NELL2: variants seen among roughly 807,000 people sequenced by gnomAD.
NELL2 encodes neural EGFL like 2.
In NELL2, 41 loss-of-function variants were observed where a neutral mutation model predicts 109.6. That is an observed-to-expected ratio of 0.37 (90% CI 0.29 to 0.49). NELL2 has a LOEUF of 0.49. NELL2 is among the 20% of genes least tolerant of loss of function. The probability of loss-of-function intolerance (pLI) is 0.98; values close to 1 mark genes in which losing one functional copy is unlikely to be tolerated. For missense variants in NELL2, 900 were observed against 1,008.3 expected, an observed-to-expected ratio of 0.89 and a Z score of 1.45; for synonymous variants, 355 against 344.7, an observed-to-expected ratio of 1.03 and a Z score of -0.33.
At chr12:44,774,451 C>A (rs369381098) in intron 9 of NELL2, among the ~76,000 whole-genome samples, 1 of 152,148 alleles carries the variant, frequency 6.6e-6, no homozygotes, top group South Asian at 2.1e-4. Flanking sequence ...GAGACACTTA[C>A]AATAAATAGT....
intron 13 of NELL2, among the ~76,000 whole-genome samples, chr12:44,620,461 T>A (rs1371248071): frequency 6.6e-6 from 1 of 152,180 alleles, no homozygotes; most frequent in Non-Finnish European, 1.5e-5. Context: ...TATTCCAGAA[T>A]GGCAATCTTG....
intron 9 of NELL2, among the ~76,000 whole-genome samples, chr12:44,741,096 C>T (rs1301729802): frequency 6.6e-6 from 1 of 152,098 alleles, no homozygotes; most frequent in Non-Finnish European, 1.5e-5. Flanking sequence ...GACAGCTGGA[C>T]GAACTCTTCC....
chr12:44,755,979 A>G (rs1226094692), intron 9 of NELL2, among the ~76,000 whole-genome samples: 1 of 152,172 alleles, frequency 6.6e-6, no homozygotes, highest in Admixed American at 6.6e-5. Context: ...CTGGGACCTC[A>G]AAACTTTCAT....
Position 44,874,320 on chromosome 12 carries a change from C to T in NELL2, c.184+905G>A, listed in dbSNP as rs191255321. ...AGTCCATTAGATATGTTAAACCAAA[C>T]TCCATTCTCTTTTGCCTTCATGTAT... On this transcript the variant is annotated intron_variant, in intron 2 of 19. Transcript: ENST00000429094. Among the ~76,000 whole-genome samples, 50 of 152,300 alleles carry T rather than the reference C, an allele frequency of 3.3e-4. 1 individual carries two copies. The highest frequency in any genetic ancestry group is 1.2e-3 in the African/African-American group (49 of 41,564).
intron 19 of NELL2, among the ~76,000 whole-genome samples, chr12:44,509,562 C>T (rs1940891299): frequency 6.6e-6 from 1 of 152,134 alleles, no homozygotes; most frequent in Non-Finnish European, 1.5e-5. Flanking sequence ...GATGAGAACA[C>T]ATGCGTCCTC....
chr12:44,575,969 T>C lies in NELL2; in HGVS notation c.1663+31200A>G, dbSNP rs765829377. On this transcript the variant is annotated intron_variant, in intron 15 of 19. Transcript: ENST00000429094. ...TCATAGTTTGACCCCTACCTGCCTC[T>C]AAAACCTCATAATATACCAGGCTTT... Among the ~76,000 whole-genome samples the C allele has an allele frequency of 1.2e-4, 19 of 152,196 alleles. No homozygotes were observed. In the South Asian group the frequency reaches 3.5e-3, roughly 28 times the overall value.
At chr12:44,703,914 C>T in intron 11 of NELL2, 60 bp from the exon 12 acceptor site, 2 of 1,455,534 alleles carry the variant, frequency 1.4e-6, no homozygotes, top group African/African-American at 1.4e-5. Context: ...CAAATTTTTC[C>T]TACTTAATAT....
intron 2 of NELL2, among the ~76,000 whole-genome samples, chr12:44,872,076 C>T (rs921036498): frequency 6.6e-6 from 1 of 151,996 alleles, no homozygotes; most frequent in Non-Finnish European, 1.5e-5. Flanking sequence ...CCCTCATGTA[C>T]AGAGAGGAAA....
chr12:44,790,192 A>C (rs924498001), intron 3 of NELL2, among the ~76,000 whole-genome samples: 2 of 152,192 alleles, frequency 1.3e-5, no homozygotes, highest in Admixed American at 6.5e-5. Context: ...TCTAAAGTTA[A>C]GATGAAGGAA....
chr12:44,604,126 A>G (rs1945313332), intron 15 of NELL2, among the ~76,000 whole-genome samples: 1 of 152,138 alleles, frequency 6.6e-6, no homozygotes, highest in Admixed American at 6.6e-5. Flanking sequence ...CTGATGAAGG[A>G]TGATGGTGTG....
intron 16 of NELL2, among the ~76,000 whole-genome samples, chr12:44,525,632 G>GA (rs1941732614): frequency 6.6e-6 from 1 of 152,122 alleles, no homozygotes; most frequent in Admixed American, 6.5e-5. Flanking sequence ...ATTCTGCTTT[G>GA]AAAAACCTAT....
At position 44,729,041 on chromosome 12, in the gene NELL2, C is replaced by T. The variant is rs559857165; in HGVS notation, c.995-14300G>A. Among the ~76,000 whole-genome samples the T allele has an allele frequency of 1.8e-3, 277 of 152,120 alleles. 2 individuals carry two copies. The highest frequency in any genetic ancestry group is 5.7e-3 in the African/African-American group (236 of 41,502). On this transcript the variant is annotated intron_variant, in intron 9 of 19. Transcript: ENST00000429094. ...AGCAACACGAAAGTATATAAAAGTA[C>T]TTTTTAACTGGTAAAGGTAAATATA... is the stretch of plus-strand genomic sequence containing the variant.
chr12:44,876,921 G>C, upstream of NELL2: 1 of 1,243,172 alleles, frequency 8.0e-7, no homozygotes, highest in African/African-American at 1.5e-5. Context: ...GCCGGGGGCG[G>C]GGCGCTGGAG....
intron 13 of NELL2, among the ~76,000 whole-genome samples, chr12:44,659,857 A>G (rs369036730): frequency 2.8e-3 from 430 of 152,244 alleles, no homozygotes; most frequent in South Asian, 0.014. Context: ...ATGATATGTG[A>G]CATGGACCAA....
At chr12:44,607,376 C>T in intron 14 of NELL2, 112 bp from the exon 15 acceptor site, 1 of 729,552 alleles carries the variant, frequency 1.4e-6, no homozygotes, top group Non-Finnish European at 2.1e-6. Flanking sequence ...ATTATAAAAG[C>T]TATTTTAATT....
intron 1 of NELL2, among the ~76,000 whole-genome samples, chr12:44,895,255 G>T (rs1470763755): frequency 6.6e-6 from 1 of 152,052 alleles, no homozygotes; most frequent in Non-Finnish European, 1.5e-5. Context: ...CATCAGCTCT[G>T]GTCAAATGAT....
At chr12:44,768,629 T>A (rs1399704382) in intron 9 of NELL2, among the ~76,000 whole-genome samples, 2 of 152,200 alleles carry the variant, frequency 1.3e-5, no homozygotes. Flanking sequence ...GTGACACCAT[T>A]AGCTTTCAGC....
chr12:44,704,160 T>C (rs1217938274), intron 11 of NELL2, among the ~76,000 whole-genome samples: 5 of 152,102 alleles, frequency 3.3e-5, no homozygotes, highest in Non-Finnish European at 7.4e-5. Context: ...AGAAATATTA[T>C]TAGGGTACAA....
At chr12:44,793,340 T>C (rs2136635602) in intron 3 of NELL2, among the ~76,000 whole-genome samples, 1 of 152,338 alleles carries the variant, frequency 6.6e-6, no homozygotes, top group Non-Finnish European at 1.5e-5. Context: ...CAAGTATTCA[T>C]TATTTAATCA....
Sources: allele counts gnomAD v4.1 joint callset (sites outside exome capture counted in the v4.1 genomes callset), GRCh38; gene constraint gnomAD v4.1.1; transcripts MANE v1.5; gene names NCBI Gene and HGNC (gene_info 2026-07-23, HGNC 2026-07-21).